Variants in CWH43 observed in about 807,000 individuals in gnomAD.
CWH43 encodes the protein cell wall biogenesis 43 C-terminal homolog.
Under a neutral mutation model 85.7 loss-of-function variants are expected in CWH43, and 91 were observed. That is an observed-to-expected ratio of 1.06 (90% CI 0.90 to 1.26). The LOEUF is 1.26. Ranked by LOEUF, CWH43 falls within the 50% of genes most tolerant of loss-of-function variation. The pLI is 0.00. For missense variants in CWH43, 869 were observed against 839.2 expected (o/e 1.04, Z -0.44); for synonymous variants, 323 against 293.6 (o/e 1.10, Z -1.02).
intron 2 of CWH43, among the ~76,000 whole-genome samples, chr4:48,990,294 C>CATT (rs1782621281): frequency 6.6e-6 from 1 of 152,192 alleles, no homozygotes; most frequent in South Asian, 2.1e-4. Context: ...AGGTAGGGAA[C>CATT]ATTACTCAGA....
At chr4:49,059,730 TG>T (rs1448899528) in intron 15 of CWH43, among the ~76,000 whole-genome samples, 1 of 152,174 alleles carries the variant, frequency 6.6e-6, no homozygotes, top group Non-Finnish European at 1.5e-5. Flanking sequence ...GCTTTGTGCC[TG>T]GGTCTCTGGG....
chr4:49,006,789 A>G (rs1783171251), intron 7 of CWH43, among the ~76,000 whole-genome samples: 1 of 152,218 alleles, frequency 6.6e-6, no homozygotes, highest in Non-Finnish European at 1.5e-5. Flanking sequence ...AAGCACTGCC[A>G]TATTAAGAGC....
At chr4:48,988,363 C>T (rs1782553957) in intron 1 of CWH43, 114 bp from the exon 2 acceptor site, 1 of 726,082 alleles carries the variant, frequency 1.4e-6, no homozygotes, top group South Asian at 2.2e-5. Context: ...CAGTTCAGGC[C>T]AGAGTCATGA....
At chr4:48,997,349 G>A (rs534315114) in intron 5 of CWH43, among the ~76,000 whole-genome samples, 2 of 151,568 alleles carry the variant, frequency 1.3e-5, no homozygotes, top group South Asian at 4.2e-4. Context: ...ATGAGTCACT[G>A]TGCCTGGCCC....
At chr4:49,026,306 A>G (rs1252524225) in intron 9 of CWH43, among the ~76,000 whole-genome samples, 5 of 152,196 alleles carry the variant, frequency 3.3e-5, no homozygotes, top group African/African-American at 7.2e-5. Flanking sequence ...AAGCCAACTC[A>G]TAGTTCCTTG....
At chr4:48,989,916 G>T (rs1368430446) in intron 2 of CWH43, among the ~76,000 whole-genome samples, 2 of 152,162 alleles carry the variant, frequency 1.3e-5, no homozygotes, top group Admixed American at 1.3e-4. Flanking sequence ...ATTTCAACTG[G>T]CATTGGCTTA....
chr4:49,056,553 C>T (rs1265945264), intron 15 of CWH43, among the ~76,000 whole-genome samples: 1 of 151,936 alleles, frequency 6.6e-6, no homozygotes, highest in African/African-American at 2.4e-5. Context: ...ATTTGATTTT[C>T]TCTTTTTTTC....
chr4:49,003,277 C>G (rs1783050947), intron 6 of CWH43, among the ~76,000 whole-genome samples: 1 of 152,146 alleles, frequency 6.6e-6, no homozygotes, highest in African/African-American at 2.4e-5. Context: ...TCTTGTAGGA[C>G]AGGTGGTAGC....
In CWH43 at chr4:48,992,133, T is replaced by G. The variant is rs372325608; in HGVS notation, c.511+43T>G. ...GAATTTTCTCTTTGCAGAGCTTACC[T>G]TTCCTATGTGAATGTTGCACATCTT... On this transcript the variant is annotated intron_variant, in intron 4 of 15. Transcript: ENST00000226432. The surrounding 1 kb of genome is among the most constrained non-coding windows in gnomAD (Gnocchi z 4.3). 6.6e-7 allele frequency: 1 copy of G among 1,507,816 alleles called. No homozygotes were observed. 93.4% of individuals were successfully genotyped at this position (1,507,816 alleles called of 1,614,324 possible).
chr4:49,001,515 G>A (rs1221945095), intron 6 of CWH43, among the ~76,000 whole-genome samples: 3 of 152,080 alleles, frequency 2.0e-5, no homozygotes, highest in South Asian at 2.1e-4. Flanking sequence ...ATGCACATAT[G>A]TATTTCTTTG....
chr4:48,987,986 A>C (rs953913210), intron 1 of CWH43, among the ~76,000 whole-genome samples: 1 of 152,120 alleles, frequency 6.6e-6, no homozygotes, highest in African/African-American at 2.4e-5. Context: ...GGGATGCCAA[A>C]TTCAACTCAG....
intron 15 of CWH43, among the ~76,000 whole-genome samples, chr4:49,053,033 A>G (rs1169627087): frequency 6.6e-6 from 1 of 152,186 alleles, no homozygotes. Context: ...TGAGATAATG[A>G]AGTATTTACC....
At chr4:48,994,486 T>C (rs1782749941) in intron 4 of CWH43, 133 bp from the exon 5 acceptor site, 3 of 693,760 alleles carry the variant, frequency 4.3e-6, no homozygotes, top group African/African-American at 1.8e-5. Context: ...TGTAGTTGCA[T>C]GTCTCATCTC....
chr4:48,986,798 A>G (rs762300015), intron 1 of CWH43: 183 of 1,191,232 alleles, frequency 1.5e-4, no homozygotes, highest in Non-Finnish European at 1.8e-4. Context: ...ACCGTCCCCA[A>G]AGCCCCCCAC....
Position 49,038,174 on chromosome 4 carries a change from T to A in CWH43, c.1797T>A (p.Asn599Lys). ...RDYLQLTEHG[N>K]VKDIDSTDHD... is the part of the protein sequence containing the mutation. ...ATCTACAGCTCACTGAACATGGCAA[T>A]GTGAAGGTAACATAATCTTAATAGG... Residue 599 changes from asparagine to lysine, a missense_variant, in exon 13 of 16, where the codon AAT (asparagine) becomes AAA (lysine). Physicochemically the swap from Asn to Lys is moderately conservative, Grantham distance 94. Around this residue, in one of 3 missense-constraint regions of CWH43, gnomAD observed 577 missense variants for 513.1 expected, o/e 1.12. Coordinates refer to ENST00000226432, the MANE Select transcript of CWH43 (RefSeq NM_025087.3). The A allele has an allele frequency of 5.1e-6, 8 of 1,568,680 alleles. No homozygotes were observed. Among genetic ancestry groups the A allele is most frequent in the Non-Finnish European group, 6.9e-6 (8 of 1,158,558 alleles).
chr4:49,003,861 C>G lies in CWH43; in HGVS notation c.929C>G (p.Thr310Arg), dbSNP rs530797011. 1.2e-6 allele frequency: 2 copies of G among 1,613,906 alleles called. No homozygotes were observed. The highest frequency in any genetic ancestry group is 1.7e-6 in the Non-Finnish European group (2 of 1,179,948). ...CTTGGACACCTTATTAACTCAGGGA[C>G]AAACCCTGGGAAAACCATGACCATT... ...QTLGHLINSGTNPGKTMTIAM... is the reference protein window; with the variant it reads ...QTLGHLINSGRNPGKTMTIAM... The change falls in exon 7 of 16, where the codon ACA becomes AGA. Residue 310 changes from threonine (T) to arginine (R), a missense_variant. This residue lies in a region of CWH43 where 577 missense variants were observed against 513.1 expected (regional missense o/e 1.12). Coordinates refer to ENST00000226432, the MANE Select transcript of CWH43 (RefSeq NM_025087.3).
chr4:49,027,278 G>A (rs181433654), intron 9 of CWH43, among the ~76,000 whole-genome samples: 1 of 152,310 alleles, frequency 6.6e-6, no homozygotes, highest in African/African-American at 2.4e-5. Flanking sequence ...GAGGGTAGAT[G>A]TTGTTGGGTG....
intron 10 of CWH43, among the ~76,000 whole-genome samples, chr4:49,028,995 G>T (rs555974710): frequency 4.5e-4 from 68 of 152,138 alleles, no homozygotes; most frequent in Middle Eastern, 3.2e-3. Context: ...ATCTTTAGGG[G>T]ATTCATGTTG....
intron 15 of CWH43, among the ~76,000 whole-genome samples, chr4:49,059,371 T>C (rs1202764399): frequency 6.6e-6 from 1 of 152,228 alleles, no homozygotes; most frequent in Non-Finnish European, 1.5e-5. Context: ...TCTTATTTTG[T>C]TTAGTTGTCC....
Sources: allele counts gnomAD v4.1 joint callset (sites outside exome capture counted in the v4.1 genomes callset), GRCh38; gene constraint gnomAD v4.1.1; regional missense constraint gnomAD v4.1.1; non-coding constraint Gnocchi (gnomAD v3.1); transcripts MANE v1.5; gene names NCBI Gene and HGNC (gene_info 2026-07-23, HGNC 2026-07-21).